The following POLDIP3 variants were observed in gnomAD, a reference collection of about 807,000 sequenced individuals.
The protein encoded by POLDIP3 is polymerase delta-interacting protein 3.
A neutral mutation model predicts 45.1 loss-of-function variants in POLDIP3; 14 were observed. That is an observed-to-expected ratio of 0.31 (90% confidence interval 0.20 to 0.49). The LOEUF (loss-of-function observed/expected upper bound fraction) is 0.49. Among genes scored for constraint, POLDIP3 ranks in the 20% least tolerant of loss-of-function variants. The probability of loss-of-function intolerance (pLI) is 0.99; values close to 1 mark genes in which losing one functional copy is unlikely to be tolerated. For synonymous variants in POLDIP3, 223 were observed against 205.2 expected (o/e 1.09, Z -0.74); for missense variants, 511 against 538.8 (o/e 0.95, Z 0.51).
chr22:42,596,934 C>T (rs1461593975), intron 4 of POLDIP3, among the ~76,000 whole-genome samples: 3 of 149,966 alleles, frequency 2.0e-5, no homozygotes, highest in Non-Finnish European at 4.4e-5. Flanking sequence ...GCTGCTTTTG[C>T]TTACAAAAAA....
chr22:42,614,285 TA>T (rs1180508270), intron 1 of POLDIP3, among the ~76,000 whole-genome samples: 3 of 152,078 alleles, frequency 2.0e-5, no homozygotes, highest in Non-Finnish European at 4.4e-5. Flanking sequence ...TCAGAAAACT[TA>T]AAACGCCGCA....
chr22:42,593,508 C>A (rs1037010301), intron 6 of POLDIP3, among the ~76,000 whole-genome samples: 6 of 152,118 alleles, frequency 3.9e-5, no homozygotes, highest in Admixed American at 3.3e-4. Flanking sequence ...TTATTACGCT[C>A]CTTAACAGCT....
At chr22:42,602,116 A>C (rs1424926138) in intron 2 of POLDIP3, 60 bp from the exon 3 acceptor site, 13 of 1,611,304 alleles carry the variant, frequency 8.1e-6, no homozygotes, top group Non-Finnish European at 1.1e-5. Context: ...CTCTAGAAGA[A>C]GGGGGTTACT....
At chr22:42,594,233 G>C (rs922757192) in intron 6 of POLDIP3, among the ~76,000 whole-genome samples, 9 of 152,086 alleles carry the variant, frequency 5.9e-5, no homozygotes, top group African/African-American at 2.2e-4. Flanking sequence ...TGGCACTCCA[G>C]CCTGGGCGAC....
chr22:42,588,566 A>G (rs1925463533), intron 7 of POLDIP3, among the ~76,000 whole-genome samples: 1 of 151,926 alleles, frequency 6.6e-6, no homozygotes, highest in South Asian at 2.1e-4. Flanking sequence ...TTGAATTCAA[A>G]TAAAAAAAAA....
rs989745936 is a variant in POLDIP3, at chr22:42,607,626, C to T, written c.60-4466G>A. Among the ~76,000 whole-genome samples, 8 of 149,192 alleles carry T rather than the reference C, an allele frequency of 5.4e-5. No individual in the cohort carries two copies. The East Asian group carries it at 8.0e-4, about 15-fold the overall frequency. On this transcript the variant is annotated intron_variant, in intron 1 of 8. Transcript: ENST00000252115. Reference sequence around the variant, plus strand: ...GCCGTCCAGTCTGGGAAGTGAGGAGCGCCTCTTCCCGGCCGCCATCCCATC... The same window carrying T: ...GCCGTCCAGTCTGGGAAGTGAGGAGTGCCTCTTCCCGGCCGCCATCCCATC...
At chr22:42,605,213 C>T (rs933809230) in intron 1 of POLDIP3, among the ~76,000 whole-genome samples, 6 of 152,340 alleles carry the variant, frequency 3.9e-5, no homozygotes, top group South Asian at 4.1e-4. Context: ...CCGCAAGCTC[C>T]GCCTCCCGGG....
intron 7 of POLDIP3, among the ~76,000 whole-genome samples, chr22:42,591,176 A>G (rs1925647660): frequency 6.6e-6 from 1 of 152,218 alleles, no homozygotes; most frequent in Admixed American, 6.5e-5. Context: ...AAATAAGAAA[A>G]AACAAAAAAA....
chr22:42,613,999 C>T (rs1233331862), intron 1 of POLDIP3, among the ~76,000 whole-genome samples: 4 of 152,154 alleles, frequency 2.6e-5, no homozygotes, highest in Admixed American at 2.0e-4. Context: ...TGCAAATCAC[C>T]TCCATGGCTC....
chr22:42,588,845 C>T (rs1925487897), intron 7 of POLDIP3, among the ~76,000 whole-genome samples: 1 of 152,124 alleles, frequency 6.6e-6, no homozygotes, highest in Admixed American at 6.5e-5. Context: ...TCAAGCTGGT[C>T]TCGAACTCCC....
chr22:42,602,071 T>C lies in POLDIP3; in HGVS notation c.451-15A>G, dbSNP rs895724787. ...TGCTGTGGAACCTGGAAACACTCAGTGGTCAGAATCCACCCCACAGGGTCC... is the reference window on the plus strand; with the variant it reads ...TGCTGTGGAACCTGGAAACACTCAGCGGTCAGAATCCACCCCACAGGGTCC... On this transcript the variant is annotated splice_polypyrimidine_tract_variant and intron_variant, in intron 2 of 8. Coordinates refer to ENST00000252115, the MANE Select transcript of POLDIP3 (RefSeq NM_032311.5). 15 of 1,613,958 alleles carry C rather than the reference T, an allele frequency of 9.3e-6. No individual in the cohort carries two copies. The highest frequency in any genetic ancestry group is 1.3e-5 in the African/African-American group (1 of 74,914).
intron 7 of POLDIP3, among the ~76,000 whole-genome samples, chr22:42,589,680 C>T (rs964640566): frequency 3.3e-5 from 5 of 151,772 alleles, no homozygotes; most frequent in South Asian, 2.1e-4. Context: ...CCCATCTCTA[C>T]GAAAAATACA....
intron 4 of POLDIP3, among the ~76,000 whole-genome samples, chr22:42,596,855 T>C (rs944745313): frequency 2.6e-5 from 4 of 152,050 alleles, no homozygotes; most frequent in Non-Finnish European, 5.9e-5. Context: ...CTCATCTCTA[T>C]AAAAAATGTA....
Position 42,599,687 on chromosome 22 carries a change from A to T in POLDIP3, c.633+11T>A. 6.3e-7 allele frequency: 1 copy of T among 1,576,176 alleles called. No individual in the cohort carries two copies. The highest frequency in any genetic ancestry group is 8.7e-7 in the Non-Finnish European group (1 of 1,145,906). On this transcript the variant is annotated intron_variant, in intron 4 of 8. Coordinates refer to ENST00000252115, the MANE Select transcript of POLDIP3 (RefSeq NM_032311.5). Reference sequence around the variant, plus strand: ...CAGACACGCAGTGTAAGAAAACATGAAATGCCATACCATGTGGTGGAGAAA... The same window carrying T: ...CAGACACGCAGTGTAAGAAAACATGTAATGCCATACCATGTGGTGGAGAAA...
At chr22:42,605,879 C>G (rs1489268114) in intron 1 of POLDIP3, among the ~76,000 whole-genome samples, 1 of 152,236 alleles carries the variant, frequency 6.6e-6, no homozygotes, top group African/African-American at 2.4e-5. Context: ...CAGTGACTCA[C>G]ACCTGTAATC....
chr22:42,609,767 G>A (rs1165387064), intron 1 of POLDIP3, among the ~76,000 whole-genome samples: 1 of 152,008 alleles, frequency 6.6e-6, no homozygotes, highest in Non-Finnish European at 1.5e-5. Context: ...TGTTCGTTTA[G>A]GTGTGTGTTT....
At chr22:42,613,535 G>A (rs1446119978) in intron 1 of POLDIP3, among the ~76,000 whole-genome samples, 1 of 152,298 alleles carries the variant, frequency 6.6e-6, no homozygotes, top group East Asian at 1.9e-4. Context: ...CGAGGCGGGA[G>A]GATCACCTGA....
At chr22:42,605,382 C>T (rs1926658623) in intron 1 of POLDIP3, among the ~76,000 whole-genome samples, 1 of 152,250 alleles carries the variant, frequency 6.6e-6, no homozygotes, top group South Asian at 2.1e-4. Context: ...CTGCCTTGGC[C>T]TCCAAAGCGT....
chr22:42,607,521 G>A (rs1248814289), intron 1 of POLDIP3, among the ~76,000 whole-genome samples: 2 of 152,142 alleles, frequency 1.3e-5, no homozygotes, highest in African/African-American at 2.4e-5. Flanking sequence ...GCCTCTGCCC[G>A]GCTGCCACCC....
Sources: allele counts gnomAD v4.1 joint callset (sites outside exome capture counted in the v4.1 genomes callset), GRCh38; gene constraint gnomAD v4.1.1; transcripts MANE v1.5; gene names NCBI Gene and HGNC (gene_info 2026-07-23, HGNC 2026-07-21).